CGN: variants seen among roughly 807,000 people sequenced by gnomAD.
CGN encodes cingulin.
CGN carries 121 observed loss-of-function variants against 157.1 expected under a neutral mutation model. The ratio of observed to expected loss-of-function variants is 0.77; its 90% CI spans 0.66 to 0.90. CGN has a LOEUF of 0.90. Ranked by LOEUF, CGN falls within the 40% of genes least tolerant of loss-of-function variation. The probability of loss-of-function intolerance (pLI) is 0.00; values close to 1 mark genes in which losing one functional copy is unlikely to be tolerated. For missense variants in CGN, 1,424 were observed against 1,520.9 expected, an observed-to-expected ratio of 0.94 and a Z score of 1.06; for synonymous variants, 535 against 607.5, an observed-to-expected ratio of 0.88 and a Z score of 1.76.
chr1:151,518,687 T>C lies in CGN; in HGVS notation c.168T>C (p.Arg56=). Residue 56 remains arginine (R), a synonymous_variant, in exon 2 of 21, where the codon CGT becomes CGC. Transcript: ENST00000271636. The stretch of plus-strand genomic sequence containing the variant: ...CCAGTACCTACGGGGTTGCTGTGCG[T>C]GTGCAGGGAATCGCTGGGCAGCCCT... ...ARASTYGVAV[R]VQGIAGQPFV... is the part of the protein sequence containing the mutation. 1.2e-6 allele frequency: 2 copies of C among 1,614,112 alleles called. No individual in the cohort carries two copies. The highest frequency in any genetic ancestry group is 1.7e-5 in the Admixed American group (1 of 60,020).
Position 151,537,424 on chromosome 1 carries a change from T to G in CGN, c.*78T>G. 1 of 1,370,180 alleles carries G rather than the reference T, an allele frequency of 7.3e-7. No individual in the cohort carries two copies. Among genetic ancestry groups the G allele is most frequent in the Non-Finnish European group, 1.0e-6 (1 of 994,560 alleles). 84.9% of individuals were successfully genotyped at this position (1,370,180 alleles called of 1,614,324 possible). A position where few individuals can be genotyped will look rare whatever the true frequency, so the allele number is the denominator to read the frequency against. ...GCTGCTCTGCTCTGCCCACCCTGGG[T>G]TCTGCATTCCTATGGGTGACCCAAT... On this transcript the variant is annotated 3_prime_UTR_variant, in exon 21 of 21. Coordinates refer to ENST00000271636, the MANE Select transcript of CGN (RefSeq NM_020770.3).
At position 151,524,341 on chromosome 1, in the gene CGN, A is replaced by G. The variant is rs1289236812; in HGVS notation, c.1384A>G (p.Lys462Glu). Residue 462 changes from lysine to glutamate, a missense_variant, in exon 7 of 21, where the codon AAG becomes GAG. Physicochemically the swap from Lys to Glu is moderately conservative, Grantham distance 56. Transcript: ENST00000271636. This position sits in a 1 kb window ranked among gnomAD's most constrained non-coding sequence, Gnocchi z 4.4. ...ACATGTCCAGGGTCCTGAGCCTGCT[A>G]AGGAGGTGTTACTGAAGGTAGGGTC... is the stretch of plus-strand genomic sequence containing the variant. ...LKHVQGPEPA[K>E]EVLLKDLLET... 2 of 1,613,720 alleles carry G rather than the reference A, an allele frequency of 1.2e-6. No homozygotes were observed. The highest frequency in any genetic ancestry group is 1.1e-5 in the South Asian group (1 of 91,068).
chr1:151,529,448 G>C lies in CGN; in HGVS notation c.1995G>C (p.Gln665His). 2 of 1,613,960 alleles carry C rather than the reference G, an allele frequency of 1.2e-6. No homozygotes were observed. Among genetic ancestry groups the C allele is most frequent in the East Asian group, 2.2e-5 (1 of 44,860 alleles). ...ACCGGGACCGGGAGTTGGAGAAGCA[G>C]CTGGCGGTCCTGAGGGTCGAGGCTG... ...GRHRDRELEK[Q>H]LAVLRVEADR... The change falls in exon 11 of 21, where the codon CAG becomes CAC. Residue 665 changes from glutamine to histidine, a missense_variant. Gln to His is a conservative substitution (Grantham distance 24, BLOSUM62 0). Around this residue, in one of 3 missense-constraint regions of CGN, gnomAD observed 1,187 missense variants for 1,217.6 expected, o/e 0.97. Transcript: ENST00000271636.
At chr1:151,510,944 G>C, upstream of CGN, 1 of 152,324 alleles carries the variant, frequency 6.6e-6, no homozygotes, top group East Asian at 1.9e-4. Flanking sequence ...GACGTCGGGG[G>C]ACAACGGAGA....
At chr1:151,529,242 C>A in intron 10 of CGN, 108 bp from the exon 11 acceptor site, 1 of 875,048 alleles carries the variant, frequency 1.1e-6, no homozygotes, top group Non-Finnish European at 1.8e-6. Context: ...CCAAAGTGGC[C>A]ACATCAGTTT....
At chr1:151,536,174 G>A in intron 18 of CGN, 63 bp from the exon 19 acceptor site, 1 of 1,063,818 alleles carries the variant, frequency 9.4e-7, no homozygotes, top group South Asian at 1.3e-5. Flanking sequence ...GGACAGTAGG[G>A]GGCCAAGTTA....
rs1664959188 is a variant in CGN, at chr1:151,535,965, C to T, written c.3197+67C>T. On this transcript the variant is annotated intron_variant, in intron 18 of 20. Transcript: ENST00000271636. The stretch of plus-strand genomic sequence containing the variant: ...TTCCTCCCTCCCTCTTGGCTTTTCT[C>T]CTCTGTGGCTCCCTCCATCTTCCAC... 7.5e-5 allele frequency: 94 copies of T among 1,255,320 alleles called. 2 individuals are homozygous for T. The South Asian group carries it at 1.1e-3, about 15-fold the overall frequency. 77.8% of individuals were successfully genotyped at this position (1,255,320 alleles called of 1,614,324 possible).
chr1:151,530,401 C>T, intron 12 of CGN, 88 bp from the exon 13 acceptor site: 2 of 1,441,844 alleles, frequency 1.4e-6, no homozygotes, highest in Non-Finnish European at 1.9e-6. Flanking sequence ...ATAAATACCT[C>T]CTTTCTCCTG....
At chr1:151,534,762 T>C (rs536157155) in intron 15 of CGN, 57 of 377,240 alleles carry the variant, frequency 1.5e-4, no homozygotes, top group African/African-American at 1.1e-3. Context: ...CTTTTCCCAT[T>C]AGAGAAATAA....
chr1:151,512,120 G>A (rs955058051), intron 1 of CGN, among the ~76,000 whole-genome samples: 4 of 152,166 alleles, frequency 2.6e-5, no homozygotes, highest in Non-Finnish European at 5.9e-5. Flanking sequence ...TTCACCAGGT[G>A]TACAACCATT....
rs1448750731 is a variant in CGN at position 151,529,834 on chromosome 1, T to A, written c.2107-75T>A. 7.9e-6 allele frequency: 11 copies of A among 1,390,534 alleles called. No homozygotes were observed. In the Middle Eastern group the frequency reaches 1.0e-3, roughly 128 times the overall value. The allele number at this position is 1,390,534 out of a possible 1,614,324, so 86.1% of individuals were successfully genotyped here. Reference sequence around the variant, plus strand: ...TTTGGGATGGCTTTCCTGGGTGTGGTCAATGGCCCCAAGCCCTGGGGTCTG... The same window carrying A: ...TTTGGGATGGCTTTCCTGGGTGTGGACAATGGCCCCAAGCCCTGGGGTCTG... On this transcript the variant is annotated intron_variant, in intron 11 of 20. Coordinates refer to ENST00000271636, the MANE Select transcript of CGN (RefSeq NM_020770.3).
At position 151,530,607 on chromosome 1, in the gene CGN, G is replaced by C; in HGVS notation, c.2432G>C (p.Arg811Pro). The change falls in exon 13 of 21, where the codon CGC (arginine) becomes CCC (proline). Residue 811 changes from arginine (R) to proline (P), a missense_variant. Arg to Pro is a moderately radical substitution (Grantham distance 103). Around this residue, in one of 3 missense-constraint regions of CGN, gnomAD observed 1,187 missense variants for 1,217.6 expected, o/e 0.97. Coordinates refer to ENST00000271636, the MANE Select transcript of CGN (RefSeq NM_020770.3). The part of the protein sequence containing the change: ...RLEEAQRGLA[R>P]LGQEQQTLNR... The stretch of plus-strand genomic sequence containing the variant: ...GAGGAGGCTCAGCGGGGGCTGGCCC[G>C]CCTGGGGCAGGAGCAGCAGACACTG... 6.2e-7 allele frequency: 1 copy of C among 1,610,804 alleles called. No individual in the cohort carries two copies. The highest frequency in any genetic ancestry group is 8.5e-7 in the Non-Finnish European group (1 of 1,178,502).
At chr1:151,533,675 T>G (rs2102502629) in intron 14 of CGN, among the ~76,000 whole-genome samples, 1 of 151,640 alleles carries the variant, frequency 6.6e-6, no homozygotes, top group African/African-American at 2.4e-5. Context: ...ATGCCTGTAG[T>G]CCCAGCTACT....
At chr1:151,526,886 G>A in intron 9 of CGN, 89 bp from the exon 10 acceptor site, 2 of 1,502,152 alleles carry the variant, frequency 1.3e-6, no homozygotes, top group East Asian at 4.5e-5. Context: ...GGCCTCCAGA[G>A]AGGTGGCTTT....
chr1:151,529,308 T>C (rs997548250), intron 10 of CGN, 42 bp from the exon 11 acceptor site: 2 of 1,547,826 alleles, frequency 1.3e-6, no homozygotes, highest in Non-Finnish European at 1.8e-6. Flanking sequence ...GGTATCTTAG[T>C]CTGGCTCTGG....
chr1:151,510,715 G>A (rs1664261901), upstream of CGN, among the ~76,000 whole-genome samples: 1 of 152,220 alleles, frequency 6.6e-6, no homozygotes, highest in African/African-American at 2.4e-5. Flanking sequence ...CACAGAACAA[G>A]AGATCCTTGC....
chr1:151,522,667 G>A (rs537938670), intron 5 of CGN, among the ~76,000 whole-genome samples: 12 of 149,436 alleles, frequency 8.0e-5, no homozygotes, highest in East Asian at 8.0e-4. Context: ...CAGGCCGGGC[G>A]CTGTGGGAGG....
At chr1:151,527,934 CTA>C (rs754988918) in intron 10 of CGN, 3,126 of 167,784 alleles carry the variant, frequency 0.019, 122 homozygotes, top group Non-Finnish European at 0.022. Context: ...CATGGCCACA[CTA>C]TATATATATA....
chr1:151,517,235 CA>C (rs1664435747), intron 1 of CGN, among the ~76,000 whole-genome samples: 1 of 152,178 alleles, frequency 6.6e-6, no homozygotes, highest in South Asian at 2.1e-4. Context: ...AAGAGATATA[CA>C]GTAGAATGTC....
Sources: allele counts gnomAD v4.1 joint callset (sites outside exome capture counted in the v4.1 genomes callset), GRCh38; gene constraint gnomAD v4.1.1; regional missense constraint gnomAD v4.1.1; non-coding constraint Gnocchi (gnomAD v3.1); transcripts MANE v1.5; gene names NCBI Gene and HGNC (gene_info 2026-07-23, HGNC 2026-07-21).